FGGY: variants seen among roughly 807,000 people sequenced by gnomAD.
FGGY encodes FGGY carbohydrate kinase domain-containing protein.
Under a neutral mutation model 71.3 loss-of-function variants are expected in FGGY, and 72 were observed. The ratio of observed to expected loss-of-function variants is 1.01; its 90% confidence interval spans 0.84 to 1.23. The LOEUF is 1.23. FGGY is among the 50% of genes most tolerant of loss of function. The probability of loss-of-function intolerance (pLI) is 0.00; values close to 1 mark genes in which losing one functional copy is unlikely to be tolerated. For missense variants in FGGY, 668 were observed against 682.3 expected (o/e 0.98, Z 0.23); for synonymous variants, 251 against 250.3 (o/e 1.00, Z -0.02).
chr1:59,571,341 T>C (rs1165054678), intron 8 of FGGY, among the ~76,000 whole-genome samples: 2 of 152,228 alleles, frequency 1.3e-5, no homozygotes, highest in Admixed American at 1.3e-4. Flanking sequence ...TTTAGAGCAT[T>C]CACTCTGTGC....
chr1:59,375,071 TA>T (rs369481865), intron 4 of FGGY, among the ~76,000 whole-genome samples: 164 of 140,368 alleles, frequency 1.2e-3, no homozygotes, highest in African/African-American at 3.8e-3. Context: ...ATAATAATAA[TA>T]AAAAAAAATC....
In FGGY at chr1:59,719,880, G is replaced by A. The variant is rs74884913; in HGVS notation, c.1513-38051G>A. ...CCCCAAAAAGACATGACCTGTGATT[G>A]AGTGTGGCATGCATCACCCTTAAAT... On this transcript the variant is annotated intron_variant, in intron 14 of 15. Transcript: ENST00000303721. Among the ~76,000 whole-genome samples, 143 of 152,340 alleles carry A rather than the reference G, an allele frequency of 9.4e-4. 2 individuals carry two copies. In the East Asian group the frequency reaches 0.027, roughly 28 times the overall value.
At chr1:59,486,582 C>T (rs901389975) in intron 6 of FGGY, among the ~76,000 whole-genome samples, 2 of 152,154 alleles carry the variant, frequency 1.3e-5, no homozygotes, top group South Asian at 2.1e-4. Context: ...CCTGGAACAC[C>T]GTCTGTGCTC....
At chr1:59,590,320 C>T (rs1484842777) in intron 8 of FGGY, among the ~76,000 whole-genome samples, 1 of 152,098 alleles carries the variant, frequency 6.6e-6, no homozygotes, top group Non-Finnish European at 1.5e-5. Context: ...AAAAAGAGTC[C>T]AGGACCAGAT....
chr1:59,481,287 G>A (rs911213135), intron 6 of FGGY, among the ~76,000 whole-genome samples: 1 of 152,160 alleles, frequency 6.6e-6, no homozygotes, highest in Non-Finnish European at 1.5e-5. Context: ...TACTTAGAAA[G>A]AAACATTAGG....
chr1:59,378,914 C>T, intron 5 of FGGY, 77 bp downstream of exon 5: 1 of 1,198,750 alleles, frequency 8.3e-7, no homozygotes, highest in Non-Finnish European at 1.2e-6. Context: ...TTTCTTAACT[C>T]TCTTTGACTG....
chr1:59,341,590 G>A (rs1249765685), intron 3 of FGGY, among the ~76,000 whole-genome samples: 1 of 152,106 alleles, frequency 6.6e-6, no homozygotes, highest in Non-Finnish European at 1.5e-5. Context: ...CAAATGCTGG[G>A]GCTTCAAAGA....
At chr1:59,716,875 TCAGA>T (rs1211219238) in intron 14 of FGGY, among the ~76,000 whole-genome samples, 1 of 152,136 alleles carries the variant, frequency 6.6e-6, no homozygotes, top group African/African-American at 2.4e-5. Context: ...GTGAGAGCTC[TCAGA>T]CGGACAGAAT....
At chr1:59,386,172 A>G (rs1405507136) in intron 5 of FGGY, among the ~76,000 whole-genome samples, 1 of 151,806 alleles carries the variant, frequency 6.6e-6, no homozygotes, top group Non-Finnish European at 1.5e-5. Context: ...ATAAAATTCC[A>G]TACTTTATTC....
chr1:59,668,590 G>A (rs988814802), intron 13 of FGGY, among the ~76,000 whole-genome samples: 12 of 152,294 alleles, frequency 7.9e-5, no homozygotes, highest in African/African-American at 1.7e-4. Flanking sequence ...CACGATGGAC[G>A]TAACTGATCT....
intron 1 of FGGY, among the ~76,000 whole-genome samples, chr1:59,310,753 C>G (rs2044171906): frequency 6.6e-6 from 1 of 152,172 alleles, no homozygotes; most frequent in Admixed American, 6.5e-5. Flanking sequence ...TTAAATGGAG[C>G]CCCCTGCTTG....
intron 14 of FGGY, among the ~76,000 whole-genome samples, chr1:59,698,363 C>T (rs1024963154): frequency 1.6e-4 from 24 of 152,012 alleles, no homozygotes; most frequent in African/African-American, 5.8e-4. Context: ...ACCATGCCCA[C>T]CCCGCAGTTC....
At chr1:59,469,179 C>A (rs560288704) in intron 6 of FGGY, among the ~76,000 whole-genome samples, 1 of 152,314 alleles carries the variant, frequency 6.6e-6, no homozygotes, top group South Asian at 2.1e-4. Flanking sequence ...TCAGAGCCCA[C>A]AGGCCTGAGT....
At chr1:59,684,754 G>A (rs751477626) in intron 14 of FGGY, among the ~76,000 whole-genome samples, 3 of 152,238 alleles carry the variant, frequency 2.0e-5, no homozygotes, top group Non-Finnish European at 2.9e-5. Flanking sequence ...TGAACCTCAC[G>A]GTGATGCCAT....
chr1:59,422,678 C>T (rs1255185990), intron 5 of FGGY, among the ~76,000 whole-genome samples: 5 of 147,542 alleles, frequency 3.4e-5, no homozygotes, highest in Admixed American at 2.0e-4. Context: ...TGGGTGACAG[C>T]GAGACCCTGT....
intron 14 of FGGY, among the ~76,000 whole-genome samples, chr1:59,753,464 TTAAATATATATATATATATATA>T (rs1418377059): frequency 3.7e-5 from 2 of 54,088 alleles, no homozygotes; most frequent in Non-Finnish European, 7.4e-5. Context: ...AAGCATAACT[TTAAATATATATATATATATATA>T]TATATATATA....
chr1:59,635,652 G>C lies in FGGY; in HGVS notation c.1074-2576G>C, dbSNP rs145878453. ...CTCTTGACTTCTGGCTAGAAAAGAT[G>C]TTCTCAAGGCTTTTCTTGTGAATGT... On this transcript the variant is annotated intron_variant, in intron 10 of 15. Coordinates refer to ENST00000303721, the MANE Select transcript of FGGY (RefSeq NM_018291.5). Among the ~76,000 whole-genome samples, 23 of 152,190 alleles carry C rather than the reference G, an allele frequency of 1.5e-4. No individual in the cohort carries two copies. The East Asian group carries it at 4.4e-3, about 29-fold the overall frequency.
chr1:59,597,452 T>G (rs143851353), intron 8 of FGGY, among the ~76,000 whole-genome samples: 60 of 152,278 alleles, frequency 3.9e-4, no homozygotes, highest in Non-Finnish European at 7.6e-4. Flanking sequence ...TCTAGAGCCA[T>G]TATAACCTCT....
At chr1:59,372,653 A>T (rs1168693606) in intron 4 of FGGY, among the ~76,000 whole-genome samples, 1 of 152,212 alleles carries the variant, frequency 6.6e-6, no homozygotes, top group Non-Finnish European at 1.5e-5. Flanking sequence ...TGATGCAAAA[A>T]TCCTCAATAA....
Sources: gnomAD v4.1 joint callset for allele counts (sites outside exome capture counted in the v4.1 genomes callset) on GRCh38, gnomAD v4.1.1 for gene constraint, MANE v1.5 for transcripts, NCBI Gene and HGNC (gene_info 2026-07-23, HGNC 2026-07-21) for gene names.